Variants in TAF4B observed in about 807,000 individuals in gnomAD.
TAF4B encodes transcription initiation factor TFIID subunit 4B.
TAF4B carries 38 observed loss-of-function variants against 86.4 expected under a neutral mutation model. That is an observed-to-expected ratio of 0.44 (90% CI 0.34 to 0.58). The LOEUF is 0.58. Among genes scored for constraint, TAF4B ranks in the 20% least tolerant of loss-of-function variants. TAF4B has a pLI of 0.02. For synonymous variants in TAF4B, 388 were observed against 391.2 expected (o/e 0.99, Z 0.10); for missense variants, 988 against 1,027.6 (o/e 0.96, Z 0.53).
chr18:26,377,876 G>A lies in TAF4B; in HGVS notation c.2422-11969G>A, dbSNP rs1206410838. On this transcript the variant is annotated intron_variant, in intron 14 of 14. Coordinates refer to ENST00000269142, the MANE Select transcript of TAF4B (RefSeq NM_005640.3). ...TCAACAAAATCAGTTATTCTTCATC[G>A]TCCTACACTAGTATTACATGTAGCA... 2.0e-5 allele frequency among the ~76,000 whole-genome samples: 3 copies of A among 152,050 alleles called. No homozygotes were observed. In the East Asian group the frequency reaches 5.8e-4, roughly 29 times the overall value.
chr18:26,296,902 G>T (rs1188248230), intron 9 of TAF4B, among the ~76,000 whole-genome samples: 1 of 93,730 alleles, frequency 1.1e-5, no homozygotes, highest in Admixed American at 1.2e-4. Flanking sequence ...CACTTTGGGA[G>T]GCCGAGGCAG....
At chr18:26,316,371 G>A (rs1377311523) in intron 10 of TAF4B, among the ~76,000 whole-genome samples, 1 of 149,660 alleles carries the variant, frequency 6.7e-6, no homozygotes, top group Non-Finnish European at 1.5e-5. Context: ...TAAATGACCA[G>A]GGTTTTCTTC....
chr18:26,289,511 T>C (rs1438728125), intron 7 of TAF4B, among the ~76,000 whole-genome samples: 1 of 152,182 alleles, frequency 6.6e-6, no homozygotes, highest in Non-Finnish European at 1.5e-5. Flanking sequence ...TTTTAGACAG[T>C]GTCTTACTTC....
intron 7 of TAF4B, among the ~76,000 whole-genome samples, chr18:26,288,636 A>G (rs2144602791): frequency 6.6e-6 from 1 of 152,258 alleles, no homozygotes; most frequent in South Asian, 2.1e-4. Context: ...TCGTCATCTC[A>G]AAAAAACAAA....
intron 1 of TAF4B, among the ~76,000 whole-genome samples, chr18:26,234,617 T>G (rs2055720869): frequency 6.6e-6 from 1 of 152,198 alleles, no homozygotes; most frequent in African/African-American, 2.4e-5. Context: ...TATCCCATTC[T>G]CCACAAATGG....
chr18:26,327,781 C>T (rs75659919), intron 12 of TAF4B, among the ~76,000 whole-genome samples: 18,156 of 152,136 alleles, frequency 0.12, 1,348 homozygotes, highest in Non-Finnish European at 0.16. Context: ...AGACAGGGTT[C>T]CACCATGTTG....
At position 26,389,751 on chromosome 18, in the gene TAF4B, C is replaced by T; in HGVS notation, c.2422-94C>T. The stretch of plus-strand genomic sequence containing the variant: ...TATCTCCAGTACCTAACCCAGTGAC[C>T]AGAGGGTAGTGGGCTCTGACATGCT... On this transcript the variant is annotated intron_variant, in intron 14 of 14. Coordinates refer to ENST00000269142, the MANE Select transcript of TAF4B (RefSeq NM_005640.3). 2.3e-6 allele frequency: 3 copies of T among 1,329,848 alleles called. No individual in the cohort carries two copies. In the South Asian group the frequency reaches 4.3e-5, roughly 19 times the overall value. The allele number at this position is 1,329,848 out of a possible 1,614,324, so 82.4% of individuals were successfully genotyped here. A position where few individuals can be genotyped will look rare whatever the true frequency, so the allele number is the denominator to read the frequency against.
intron 5 of TAF4B, 92 bp downstream of exon 5, chr18:26,275,145 A>AATTT: frequency 1.5e-6 from 2 of 1,295,462 alleles, no homozygotes; most frequent in Non-Finnish European, 2.0e-6. Context: ...GGATTTATTT[A>AATTT]ATTTATTTAT....
At chr18:26,275,213 T>G (rs538789920) in intron 5 of TAF4B, among the ~76,000 whole-genome samples, 160 bp downstream of exon 5, 1 of 152,364 alleles carries the variant, frequency 6.6e-6, no homozygotes, top group Non-Finnish European at 1.5e-5. Context: ...TGGAGTGCAG[T>G]GGCGTGATCT....
intron 1 of TAF4B, among the ~76,000 whole-genome samples, chr18:26,236,595 G>A (rs2055751512): frequency 6.6e-6 from 1 of 152,090 alleles, no homozygotes; most frequent in Non-Finnish European, 1.5e-5. Flanking sequence ...GTTTCTCACT[G>A]GACAGTCTTT....
intron 1 of TAF4B, among the ~76,000 whole-genome samples, chr18:26,241,681 G>A (rs538679779): frequency 1.3e-5 from 2 of 152,212 alleles, no homozygotes; most frequent in East Asian, 3.9e-4. Flanking sequence ...TGATGTTAGG[G>A]TGTCAATTTT....
At chr18:26,264,173 T>C (rs1171471164) in intron 1 of TAF4B, among the ~76,000 whole-genome samples, 2 of 152,198 alleles carry the variant, frequency 1.3e-5, no homozygotes, top group African/African-American at 4.8e-5. Flanking sequence ...GTGCAGTGGC[T>C]CACACCTGTA....
At chr18:26,263,237 A>C (rs1016637199) in intron 1 of TAF4B, among the ~76,000 whole-genome samples, 2 of 152,192 alleles carry the variant, frequency 1.3e-5, no homozygotes, top group Non-Finnish European at 1.5e-5. Context: ...TACAGGCGTG[A>C]GCCACCATGC....
intron 9 of TAF4B, among the ~76,000 whole-genome samples, chr18:26,295,939 G>A (rs978203695): frequency 1.3e-4 from 19 of 151,762 alleles, no homozygotes; most frequent in Admixed American, 3.3e-4. Context: ...GTAATTTTTG[G>A]AAAACGTTCT....
chr18:26,266,553 T>G (rs1301546014), intron 2 of TAF4B, among the ~76,000 whole-genome samples: 1 of 152,152 alleles, frequency 6.6e-6, no homozygotes, highest in Non-Finnish European at 1.5e-5. Context: ...CTTACCTTGT[T>G]TGATAGAGTT....
intron 9 of TAF4B, among the ~76,000 whole-genome samples, chr18:26,312,778 T>C (rs2056865995): frequency 6.6e-6 from 1 of 152,162 alleles, no homozygotes; most frequent in Non-Finnish European, 1.5e-5. Context: ...GTAAAGGTCA[T>C]GTGGAGTTAC....
rs1341781479 is a variant in TAF4B at position 26,346,811 on chromosome 18, ATATATG to A, written c.2317-10877_2317-10872del. 1.2e-3 allele frequency among the ~76,000 whole-genome samples: 35 copies of A among 29,970 alleles called. 1 individual carries two copies. The highest frequency in any genetic ancestry group is 2.1e-3 in the Non-Finnish European group (20 of 9,700). 19.7% of individuals were successfully genotyped at this position (29,970 alleles called of 152,430 possible). On this transcript the variant is annotated intron_variant, in intron 13 of 14. Coordinates refer to ENST00000269142, the MANE Select transcript of TAF4B (RefSeq NM_005640.3). Reference sequence around the variant, plus strand: ...TATATATATATATGTGTATATATATATATATGTGTGTGTATATATATATATGTGTGT... The same window carrying A: ...TATATATATATATGTGTATATATATATGTGTGTATATATATATATGTGTGT...
chr18:26,319,922 T>G (rs1038251401), intron 10 of TAF4B, among the ~76,000 whole-genome samples: 3 of 152,278 alleles, frequency 2.0e-5, no homozygotes, highest in Middle Eastern at 3.4e-3. Flanking sequence ...TAGAGTTGAC[T>G]TTGTAGAATT....
intron 9 of TAF4B, among the ~76,000 whole-genome samples, chr18:26,311,534 T>A (rs1486860034): frequency 6.6e-6 from 1 of 152,006 alleles, no homozygotes; most frequent in Admixed American, 6.6e-5. Context: ...GGCATGAGAA[T>A]CGCTTGAACC....
Sources: gnomAD v4.1 joint callset for allele counts (sites outside exome capture counted in the v4.1 genomes callset) on GRCh38, gnomAD v4.1.1 for gene constraint, MANE v1.5 for transcripts, NCBI Gene and HGNC (gene_info 2026-07-23, HGNC 2026-07-21) for gene names.